MEGF9: variants seen among roughly 807,000 people sequenced by gnomAD.
MEGF9 encodes the protein multiple epidermal growth factor-like domains protein 9.
In MEGF9, 6 loss-of-function variants were observed where a neutral mutation model predicts 46.8. The observed-to-expected ratio is 0.13, with a 90% CI of 0.07 to 0.25. The LOEUF is 0.25. MEGF9 is among the 10% of genes least tolerant of loss of function. The pLI, the probability that MEGF9 is intolerant of heterozygous loss-of-function variation, is 1.00. For missense variants in MEGF9, 683 were observed against 792.4 expected, an observed-to-expected ratio of 0.86 and a Z score of 1.66; for synonymous variants, 302 against 330.7, an observed-to-expected ratio of 0.91 and a Z score of 0.94.
chr9:120,691,155 T>C (rs886160273), intron 1 of MEGF9, among the ~76,000 whole-genome samples: 2 of 152,100 alleles, frequency 1.3e-5, no homozygotes, highest in Admixed American at 6.6e-5. Context: ...TATTTAACAA[T>C]GCCAGAAATA....
chr9:120,652,142 G>GCACACACACA (rs869130385), intron 2 of MEGF9, among the ~76,000 whole-genome samples: 3 of 26,150 alleles, frequency 1.1e-4, no homozygotes, highest in African/African-American at 4.0e-4. Context: ...AAACAAACAA[G>GCACACACACA]CACACACACA....
intron 1 of MEGF9, among the ~76,000 whole-genome samples, chr9:120,665,698 G>A (rs1027795044): frequency 1.3e-5 from 2 of 152,012 alleles, no homozygotes; most frequent in African/African-American, 4.8e-5. Context: ...GTTCCCCTGT[G>A]TTTTCTTCTA....
chr9:120,664,987 T>C (rs2043718693), intron 1 of MEGF9, among the ~76,000 whole-genome samples: 1 of 152,212 alleles, frequency 6.6e-6, no homozygotes, highest in Admixed American at 6.5e-5. Context: ...ATCCATTACC[T>C]CAAACATTGA....
rs368132143 is a variant in MEGF9, at chr9:120,713,776, G to A, written c.583C>T (p.Pro195Ser). ...VLPTPPATEA[P>S]SSPPPEYVCN... ...GACTCACCTGGAGGAGGCGAAGAGG[G>A]GGCCTCGGTGGCAGGTGGGGTGGGG... Residue 195 changes from proline to serine, a missense_variant, in exon 1 of 6, where the codon CCC becomes TCC. Transcript: ENST00000373930. 5 of 1,293,686 alleles carry A rather than the reference G, an allele frequency of 3.9e-6. No homozygotes were observed. In the East Asian group the frequency reaches 1.1e-4, roughly 29 times the overall value. The allele number at this position is 1,293,686 out of a possible 1,614,324, so 80.1% of individuals were successfully genotyped here. A position where few individuals can be genotyped will look rare whatever the true frequency, so the allele number is the denominator to read the frequency against.
At chr9:120,697,123 C>T (rs1158208244) in intron 1 of MEGF9, among the ~76,000 whole-genome samples, 4 of 152,208 alleles carry the variant, frequency 2.6e-5, no homozygotes, top group Non-Finnish European at 4.4e-5. Flanking sequence ...CGCTCTGTCG[C>T]CCAGGCTGGA....
intron 2 of MEGF9, among the ~76,000 whole-genome samples, chr9:120,627,310 T>C (rs554657974): frequency 6.2e-4 from 95 of 152,342 alleles, no homozygotes; most frequent in African/African-American, 2.0e-3. Context: ...AATTGTTAAA[T>C]GTCTTGGCAT....
chr9:120,654,570 C>T (rs761263549), intron 2 of MEGF9, among the ~76,000 whole-genome samples: 58 of 152,190 alleles, frequency 3.8e-4, no homozygotes, highest in Non-Finnish European at 2.5e-4. Context: ...TACAATTATA[C>T]ACAGTACATA....
At chr9:120,621,279 C>T (rs2132303548) in intron 3 of MEGF9, among the ~76,000 whole-genome samples, 1 of 152,334 alleles carries the variant, frequency 6.6e-6, no homozygotes, top group Admixed American at 6.5e-5. Flanking sequence ...TCACTTTCCT[C>T]TCTTTTTAGA....
intron 1 of MEGF9, among the ~76,000 whole-genome samples, chr9:120,705,276 A>G (rs375049493): frequency 6.6e-6 from 1 of 152,136 alleles, no homozygotes; most frequent in African/African-American, 2.4e-5. Flanking sequence ...TTTTGTTCTC[A>G]GTGCAAACTG....
intron 2 of MEGF9, among the ~76,000 whole-genome samples, chr9:120,640,065 T>A (rs1325485575): frequency 6.6e-6 from 1 of 152,246 alleles, no homozygotes; most frequent in Non-Finnish European, 1.5e-5. Flanking sequence ...TAGATTACTA[T>A]AGCTTTACCT....
At chr9:120,713,445 C>T (rs1240498054) in intron 1 of MEGF9, among the ~76,000 whole-genome samples, 1 of 152,128 alleles carries the variant, frequency 6.6e-6, no homozygotes, top group Non-Finnish European at 1.5e-5. Context: ...GCTGGGTGCG[C>T]GAACCCAACC....
chr9:120,669,586 A>G (rs918329962), intron 1 of MEGF9, among the ~76,000 whole-genome samples: 1 of 152,068 alleles, frequency 6.6e-6, no homozygotes, highest in Non-Finnish European at 1.5e-5. Context: ...AAAAAAAAAA[A>G]GCAATATAAG....
intron 2 of MEGF9, 111 bp from the exon 3 acceptor site, chr9:120,622,866 C>CCAT (rs1403815839): frequency 9.6e-7 from 1 of 1,044,856 alleles, no homozygotes; most frequent in Non-Finnish European, 1.4e-6. Flanking sequence ...TATATACTTA[C>CCAT]CATATCTCAA....
chr9:120,690,410 AAGAT>A (rs1402523503), intron 1 of MEGF9, among the ~76,000 whole-genome samples: 3 of 152,212 alleles, frequency 2.0e-5, no homozygotes, highest in African/African-American at 7.2e-5. Context: ...GCTATAGTCA[AAGAT>A]GGCAACATTC....
At chr9:120,698,064 T>C (rs539660084) in intron 1 of MEGF9, among the ~76,000 whole-genome samples, 21 of 152,350 alleles carry the variant, frequency 1.4e-4, no homozygotes, top group Non-Finnish European at 2.5e-4. Context: ...GTTACTATTA[T>C]ACTCATGTTA....
At chr9:120,620,544 A>C (rs978228612) in intron 3 of MEGF9, among the ~76,000 whole-genome samples, 3 of 152,350 alleles carry the variant, frequency 2.0e-5, no homozygotes, top group East Asian at 3.9e-4. Context: ...ATACAAGTAT[A>C]TGTGAGAGCA....
At chr9:120,618,989 T>C (rs1214211912) in intron 3 of MEGF9, among the ~76,000 whole-genome samples, 1 of 152,200 alleles carries the variant, frequency 6.6e-6, no homozygotes, top group Non-Finnish European at 1.5e-5. Context: ...TCTAATTATA[T>C]GGCATAAGTT....
At chr9:120,695,603 CAAA>C (rs370281228) in intron 1 of MEGF9, among the ~76,000 whole-genome samples, 21 of 18,674 alleles carry the variant, frequency 1.1e-3, no homozygotes, top group African/African-American at 2.3e-3. Flanking sequence ...GACCCCATCT[CAAA>C]AAAAAAAAAA....
chr9:120,692,113 C>T (rs189360991), intron 1 of MEGF9, among the ~76,000 whole-genome samples: 1 of 152,262 alleles, frequency 6.6e-6, no homozygotes, highest in African/African-American at 2.4e-5. Flanking sequence ...AGAGCACTTG[C>T]ATTTGTGTAT....
Sources: allele counts gnomAD v4.1 joint callset (sites outside exome capture counted in the v4.1 genomes callset), GRCh38; gene constraint gnomAD v4.1.1; transcripts MANE v1.5; gene names NCBI Gene and HGNC (gene_info 2026-07-23, HGNC 2026-07-21).